METTL16: variants seen among roughly 807,000 people sequenced by gnomAD.
The protein encoded by METTL16 is RNA N(6)-adenosine-methyltransferase METTL16.
Under a neutral mutation model 57.9 loss-of-function variants are expected in METTL16, and 19 were observed. That is an observed-to-expected ratio of 0.33 (90% CI 0.23 to 0.48). METTL16 has a LOEUF of 0.48. Ranked by LOEUF, METTL16 falls within the 20% of genes least tolerant of loss-of-function variation. The probability of loss-of-function intolerance (pLI) is 0.99; values close to 1 mark genes in which losing one functional copy is unlikely to be tolerated. For synonymous variants in METTL16, 246 were observed against 255.6 expected (o/e 0.96, Z 0.36); for missense variants, 434 against 691.5 (o/e 0.63, Z 4.18).
Position 2,419,430 on chromosome 17 carries a change from A to G in METTL16, c.*540T>C, listed in dbSNP as rs1439491788. ...CCAGACTCTGCTGCTCCTTCCCAGC[A>G]TTACTAAGGTTTCTCTCCCAGATTC... On this transcript the variant is annotated 3_prime_UTR_variant, in exon 10 of 10. Coordinates refer to ENST00000263092, the MANE Select transcript of METTL16 (RefSeq NM_024086.4). 7 of 319,674 alleles carry G rather than the reference A, an allele frequency of 2.2e-5. No individual in the cohort carries two copies. Among genetic ancestry groups the G allele is most frequent in the Non-Finnish European group, 3.7e-5 (6 of 160,298 alleles). 19.8% of individuals were successfully genotyped at this position (319,674 alleles called of 1,614,324 possible). A position where few individuals can be genotyped will look rare whatever the true frequency, so the allele number is the denominator to read the frequency against.
intron 8 of METTL16, among the ~76,000 whole-genome samples, chr17:2,431,694 T>C (rs2066875087): frequency 6.6e-6 from 1 of 152,166 alleles, no homozygotes; most frequent in African/African-American, 2.4e-5. Flanking sequence ...TAATGAGATT[T>C]AACATCCTTT....
At chr17:2,504,907 G>A (rs1318140596) in intron 1 of METTL16, among the ~76,000 whole-genome samples, 2 of 152,040 alleles carry the variant, frequency 1.3e-5, no homozygotes, top group Non-Finnish European at 2.9e-5. Context: ...TACAAGGACT[G>A]AATATTTGGT....
chr17:2,496,118 A>G (rs1471890797), intron 2 of METTL16, among the ~76,000 whole-genome samples: 2 of 151,454 alleles, frequency 1.3e-5, no homozygotes, highest in African/African-American at 4.9e-5. Context: ...CTCAAAACAC[A>G]CATGCACACA....
At chr17:2,507,582 A>C (rs1005443948) in intron 1 of METTL16, among the ~76,000 whole-genome samples, 9 of 151,294 alleles carry the variant, frequency 5.9e-5, no homozygotes, top group Admixed American at 2.6e-4. Context: ...CCTACTGGGA[A>C]GTGAGGAGCC....
At chr17:2,504,854 G>A (rs1424469641) in intron 1 of METTL16, among the ~76,000 whole-genome samples, 4 of 152,082 alleles carry the variant, frequency 2.6e-5, no homozygotes, top group African/African-American at 9.7e-5. Flanking sequence ...CTACAGACAT[G>A]AACCATCACA....
chr17:2,489,925 T>C (rs1411380149), intron 2 of METTL16, among the ~76,000 whole-genome samples: 3 of 152,110 alleles, frequency 2.0e-5, no homozygotes, highest in Admixed American at 6.6e-5. Context: ...AAATAAGCTA[T>C]AATATAACCA....
At chr17:2,422,606 G>A (rs572812776) in intron 8 of METTL16, among the ~76,000 whole-genome samples, 5 of 151,572 alleles carry the variant, frequency 3.3e-5, no homozygotes, top group East Asian at 4.0e-4. Context: ...TCTTGACCTC[G>A]TGATCCACCC....
At chr17:2,439,917 T>C (rs1229403337) in intron 7 of METTL16, among the ~76,000 whole-genome samples, 1 of 152,298 alleles carries the variant, frequency 6.6e-6, no homozygotes, top group East Asian at 1.9e-4. Context: ...GTCAGGTGCA[T>C]GGGTCACGCC....
chr17:2,446,503 C>A (rs1354216127), intron 6 of METTL16, among the ~76,000 whole-genome samples: 1 of 152,106 alleles, frequency 6.6e-6, no homozygotes, highest in African/African-American at 2.4e-5. Context: ...ATTGTTGGGG[C>A]CAGGTGCAGT....
At chr17:2,492,911 A>AAC (rs1298060387) in intron 2 of METTL16, among the ~76,000 whole-genome samples, 1 of 139,910 alleles carries the variant, frequency 7.1e-6, no homozygotes, top group African/African-American at 2.6e-5. Context: ...AAAAAAAAAA[A>AAC]AAAAACAACA....
intron 8 of METTL16, among the ~76,000 whole-genome samples, chr17:2,432,324 G>A (rs1008899340): frequency 1.3e-5 from 2 of 152,118 alleles, no homozygotes; most frequent in African/African-American, 2.4e-5. Flanking sequence ...TCCCAGCACT[G>A]TGGGAGGCCG....
rs1414413777 is a variant in METTL16, at chr17:2,464,270, T to A, written c.666A>T (p.Gly222=). ...TGGITEIMAE[G]GELEFVKRII... ...TCCTTTTAACAAACTCTAATTCACC[T>A]CCTTCTGCCATGATCTCTGTGATGC... Residue 222 remains glycine, a synonymous_variant, in exon 6 of 10, where the codon GGA becomes GGT. Coordinates refer to ENST00000263092, the MANE Select transcript of METTL16 (RefSeq NM_024086.4). 18 of 1,613,968 alleles carry A rather than the reference T, an allele frequency of 1.1e-5. No individual in the cohort carries two copies. The highest frequency in any genetic ancestry group is 1.7e-5 in the Admixed American group (1 of 59,988).
chr17:2,467,647 C>T (rs1335969285), intron 5 of METTL16, 114 bp downstream of exon 5: 14 of 716,362 alleles, frequency 2.0e-5, no homozygotes, highest in Non-Finnish European at 3.2e-5. Flanking sequence ...AGGCTGGTCT[C>T]AAACTCCTGA....
At chr17:2,489,745 A>AAAAAAAAAAAAAAAAG (rs1425865208) in intron 2 of METTL16, among the ~76,000 whole-genome samples, 1 of 150,442 alleles carries the variant, frequency 6.6e-6, no homozygotes, top group African/African-American at 2.4e-5. Context: ...AAAAAAAAAA[A>AAAAAAAAAAAAAAAAG]AAAACGAATA....
chr17:2,489,451 T>G (rs1347154352), intron 2 of METTL16, among the ~76,000 whole-genome samples: 2 of 151,906 alleles, frequency 1.3e-5, no homozygotes, highest in Middle Eastern at 3.2e-3. Context: ...CGTCAGGAGT[T>G]TGAGAGCAGC....
At chr17:2,426,421 C>T (rs374123014) in intron 8 of METTL16, among the ~76,000 whole-genome samples, 6 of 151,986 alleles carry the variant, frequency 3.9e-5, no homozygotes, top group East Asian at 3.9e-4. Context: ...CCCAGGAGTA[C>T]GTAAAAACAG....
At chr17:2,429,148 G>A (rs1013342973) in intron 8 of METTL16, among the ~76,000 whole-genome samples, 5 of 150,748 alleles carry the variant, frequency 3.3e-5, no homozygotes, top group Non-Finnish European at 5.9e-5. Flanking sequence ...ATGAGCCACC[G>A]TGCCCAGCCA....
chr17:2,419,470 T>C lies in METTL16; in HGVS notation c.*500A>G. 2.8e-6 allele frequency: 1 copy of C among 358,996 alleles called. No individual in the cohort carries two copies. The highest frequency in any genetic ancestry group is 5.5e-6 in the Non-Finnish European group (1 of 181,362). The allele number at this position is 358,996 out of a possible 1,614,324, so 22.2% of individuals were successfully genotyped here. ...CTCCCAGATTCCCCACCACCCACCA[T>C]ACAGCTCCCTTTGTGGGATTGATGC... On this transcript the variant is annotated 3_prime_UTR_variant, in exon 10 of 10. Coordinates refer to ENST00000263092, the MANE Select transcript of METTL16 (RefSeq NM_024086.4).
At chr17:2,490,961 A>G (rs1167528014) in intron 2 of METTL16, among the ~76,000 whole-genome samples, 1 of 152,254 alleles carries the variant, frequency 6.6e-6, no homozygotes, top group Non-Finnish European at 1.5e-5. Context: ...AAGGAAATAA[A>G]GTGAACACCA....
Sources: allele counts gnomAD v4.1 joint callset (sites outside exome capture counted in the v4.1 genomes callset), GRCh38; gene constraint gnomAD v4.1.1; transcripts MANE v1.5; gene names NCBI Gene and HGNC (gene_info 2026-07-23, HGNC 2026-07-21).